SZT2: variants seen among roughly 807,000 people sequenced by gnomAD.
The protein encoded by SZT2 is SZT2 subunit of KICSTOR complex.
SZT2 carries 216 observed loss-of-function variants against 404.2 expected under a neutral mutation model. The ratio of observed to expected loss-of-function variants is 0.53; its 90% CI spans 0.48 to 0.60. SZT2 has a LOEUF of 0.60. SZT2 is among the 20% of genes least tolerant of loss of function. The pLI is 0.00. For missense variants in SZT2, 3,857 were observed against 4,459.2 expected, an observed-to-expected ratio of 0.86 and a Z score of 3.85; for synonymous variants, 1,693 against 1,749.9, an observed-to-expected ratio of 0.97 and a Z score of 0.81.
At chr1:43,438,573 G>A in intron 46 of SZT2, 126 bp from the exon 47 acceptor site, 1 of 874,138 alleles carries the variant, frequency 1.1e-6, no homozygotes, top group Non-Finnish European at 1.8e-6. Context: ...GCTACCTCCA[G>A]AGCCAGCACT....
Position 43,420,885 on chromosome 1 carries a change from C to T in SZT2, c.1398C>T (p.Gly466=). 1 of 1,598,470 alleles carries T rather than the reference C, an allele frequency of 6.3e-7. No homozygotes were observed. The highest frequency in any genetic ancestry group is 1.3e-5 in the African/African-American group (1 of 75,048). The change falls in exon 10 of 72, where the codon GGC becomes GGT. Residue 466 remains glycine, a synonymous_variant. Coordinates refer to ENST00000634258, the MANE Select transcript of SZT2 (RefSeq NM_001365999.1). The surrounding 1 kb of genome is among the most constrained non-coding windows in gnomAD (Gnocchi z 5.1). The stretch of plus-strand genomic sequence containing the variant: ...GGGTGGAAGTGACGATGGAAGGCGG[C>T]TACGACATTTTGCATGATGTGTCCT... ...VTRVEVTMEG[G]YDILHDVSCA...
chr1:43,447,607 C>G lies in SZT2; in HGVS notation c.9349C>G (p.His3117Asp), dbSNP rs1186158602. The part of the protein sequence containing the change: ...AHQLYNYVAD[H>D]ASSYHMKPLR... Reference sequence around the variant, plus strand: ...CCAGCTATACAACTACGTGGCTGATCACGCCAGCTCTTACCACATGAAGCC... The same window carrying G: ...CCAGCTATACAACTACGTGGCTGATGACGCCAGCTCTTACCACATGAAGCC... Residue 3117 changes from histidine (H) to aspartate (D), a missense_variant, in exon 67 of 72, where the codon CAC becomes GAC. Transcript: ENST00000634258. 2 of 1,614,236 alleles carry G rather than the reference C, an allele frequency of 1.2e-6. No homozygotes were observed. Among genetic ancestry groups the G allele is most frequent in the Non-Finnish European group, 1.7e-6 (2 of 1,180,046 alleles).
At chr1:43,443,292 C>T (rs770612411) in intron 60 of SZT2, 25 bp downstream of exon 60, 3 of 1,614,062 alleles carry the variant, frequency 1.9e-6, no homozygotes, top group Admixed American at 1.7e-5. Flanking sequence ...CTTGCATCTT[C>T]CTTGAGTATC....
chr1:43,399,704 G>A (rs971605219), intron 1 of SZT2, among the ~76,000 whole-genome samples: 4 of 151,932 alleles, frequency 2.6e-5, no homozygotes, highest in East Asian at 3.9e-4. Context: ...CTCGTGAACC[G>A]CCTGCCTTGG....
chr1:43,416,757 A>T, intron 7 of SZT2, 116 bp downstream of exon 7: 1 of 781,740 alleles, frequency 1.3e-6, no homozygotes. Flanking sequence ...ACTTAGTTAC[A>T]TGGGGGGAAG....
intron 36 of SZT2, 40 bp from the exon 37 acceptor site, chr1:43,432,232 C>T: frequency 5.9e-6 from 9 of 1,518,918 alleles, no homozygotes; most frequent in Non-Finnish European, 7.9e-6. Flanking sequence ...GTAGGGAGGA[C>T]TGCCCTGCCT....
rs2153932134 is a variant in SZT2 at position 43,420,156 on chromosome 1, C to G, written c.1094C>G (p.Ser365Cys). 6.3e-7 allele frequency: 1 copy of G among 1,598,344 alleles called. No individual in the cohort carries two copies. Among genetic ancestry groups the G allele is most frequent in the Non-Finnish European group, 8.5e-7 (1 of 1,179,756 alleles). The stretch of plus-strand genomic sequence containing the variant: ...CCCATCTCCACTGGTCTTCCAGGCT[C>G]TCAGCACCGCCTATTTAATGAGCAC... ...EALNPEYYCG[S>C]QHRLFNEHLV... Residue 365 changes from serine (S) to cysteine (C), a missense_variant, in exon 9 of 72, where the codon TCT becomes TGT. Physicochemically the swap from Ser to Cys is moderately radical, Grantham distance 112. Coordinates refer to ENST00000634258, the MANE Select transcript of SZT2 (RefSeq NM_001365999.1). The surrounding 1 kb of genome is among the most constrained non-coding windows in gnomAD (Gnocchi z 5.1).
Position 43,442,178 on chromosome 1 carries a change from C to T in SZT2, c.7873+48C>T. 1 of 1,601,260 alleles carries T rather than the reference C, an allele frequency of 6.2e-7. No individual in the cohort carries two copies. Among genetic ancestry groups the T allele is most frequent in the Non-Finnish European group, 8.5e-7 (1 of 1,172,964 alleles). Reference sequence around the variant, plus strand: ...CGGGGGGCGGGTAGGCTAAGAGTAACTGGTGGGGTCTCCAACCTTGCAGAG... The same window carrying T: ...CGGGGGGCGGGTAGGCTAAGAGTAATTGGTGGGGTCTCCAACCTTGCAGAG... On this transcript the variant is annotated intron_variant, in intron 56 of 71. Transcript: ENST00000634258. The surrounding 1 kb of genome is among the most constrained non-coding windows in gnomAD (Gnocchi z 4.5).
chr1:43,419,775 G>A lies in SZT2; in HGVS notation c.921G>A (p.Val307=). The change falls in exon 8 of 72, where the codon GTG becomes GTA. Residue 307 remains valine, a synonymous_variant. Transcript: ENST00000634258. ...VYSYDCSFGH[V]PNVELMKFIA... ...CTTATGACTGCAGTTTTGGCCATGT[G>A]CCCAATGTGGAATTAATGAAGTTCA... is the stretch of plus-strand genomic sequence containing the variant. The A allele has an allele frequency of 9.4e-6, 15 of 1,598,432 alleles. No individual in the cohort carries two copies. Among genetic ancestry groups the A allele is most frequent in the Non-Finnish European group, 1.3e-5 (15 of 1,179,808 alleles).
intron 4 of SZT2, chr1:43,412,832 T>A (rs1380034576): frequency 6.6e-6 from 1 of 152,204 alleles, no homozygotes; most frequent in Non-Finnish European, 1.5e-5. Context: ...AAATGGGATT[T>A]TTTTTATCTT....
At chr1:43,401,564 G>A (rs1019267179) in intron 1 of SZT2, among the ~76,000 whole-genome samples, 3 of 151,506 alleles carry the variant, frequency 2.0e-5, no homozygotes, top group African/African-American at 7.3e-5. Context: ...TCGGCTCACT[G>A]CAACCTCCGC....
chr1:43,402,163 C>G (rs1162358632), intron 1 of SZT2, among the ~76,000 whole-genome samples: 1 of 152,176 alleles, frequency 6.6e-6, no homozygotes, highest in East Asian at 1.9e-4. Flanking sequence ...TTCTTGCCAC[C>G]TGGTGTTCTT....
intron 4 of SZT2, chr1:43,405,951 A>G (rs1650254523): frequency 1.3e-5 from 2 of 152,480 alleles, no homozygotes; most frequent in African/African-American, 4.8e-5. Flanking sequence ...TGGGGGAGAT[A>G]AATATTAAAG....
chr1:43,435,388 G>A (rs893355349), intron 42 of SZT2, 59 bp downstream of exon 42: 15 of 1,590,004 alleles, frequency 9.4e-6, no homozygotes, highest in Middle Eastern at 3.5e-4. Context: ...TTCTTTTACC[G>A]AATACTCTGG....
At position 43,438,695 on chromosome 1, in the gene SZT2, C is replaced by T. The variant is rs965140723; in HGVS notation, c.6509-4C>T. On this transcript the variant is annotated splice_region_variant and splice_polypyrimidine_tract_variant and intron_variant, in intron 46 of 71. Coordinates refer to ENST00000634258, the MANE Select transcript of SZT2 (RefSeq NM_001365999.1). The stretch of plus-strand genomic sequence containing the variant: ...CCCCACCTTCCCACCATGGCTGTGT[C>T]AAGGTCCTGAGATCACGGATGAGCT... The T allele has an allele frequency of 1.9e-6, 3 of 1,613,592 alleles. No homozygotes were observed. The African/African-American group carries it at 4.0e-5, about 22-fold the overall frequency.
Position 43,419,907 on chromosome 1 carries a change from G to A in SZT2, c.1053G>A (p.Leu351=), listed in dbSNP as rs1273335092. The change falls in exon 8 of 72, where the codon CTG becomes CTA. Residue 351 remains leucine (L), a synonymous_variant. Transcript: ENST00000634258. The part of the protein sequence containing the change: ...YHRAFLLYSF[L]RSGEALNPEY... ...GGGCATTTCTCCTCTATTCCTTCCT[G>A]CGCAGTGGGGAAGCACTGAACCCTG... The A allele has an allele frequency of 1.3e-6, 2 of 1,598,342 alleles. No homozygotes were observed. Among genetic ancestry groups the A allele is most frequent in the Non-Finnish European group, 1.7e-6 (2 of 1,179,736 alleles).
rs1257683910 is a variant in SZT2, at chr1:43,430,504, T to C, written c.4489T>C (p.Ser1497Pro). 5 of 1,613,916 alleles carry C rather than the reference T, an allele frequency of 3.1e-6. No individual in the cohort carries two copies. In the South Asian group the frequency reaches 5.5e-5, roughly 18 times the overall value. ...GTGACATGCACTACTAGGAGACACA[T>C]CTGCCTGCTGTGTGGTCACTGAGAG... The part of the protein sequence containing the change: ...AELMGEEGDT[S>P]ACCVVTESDP... The change falls in exon 32 of 72, where the codon TCT (serine) becomes CCT (proline). Residue 1497 changes from serine (S) to proline (P), a missense_variant. Physicochemically the swap from Ser to Pro is moderately conservative, Grantham distance 74 (BLOSUM62 -1). Coordinates refer to ENST00000634258, the MANE Select transcript of SZT2 (RefSeq NM_001365999.1).
chr1:43,421,354 A>G (rs1252505723), intron 11 of SZT2, 51 bp downstream of exon 11: 27 of 1,585,710 alleles, frequency 1.7e-5, no homozygotes, highest in Non-Finnish European at 4.3e-6. Context: ...CTTGGGTTGC[A>G]CAGCATCTGG....
Position 43,429,750 on chromosome 1 carries a change from T to C in SZT2, c.4214T>C (p.Val1405Ala). 1 of 1,614,174 alleles carries C rather than the reference T, an allele frequency of 6.2e-7. No individual in the cohort carries two copies. Among genetic ancestry groups the C allele is most frequent in the Non-Finnish European group, 8.5e-7 (1 of 1,180,038 alleles). Residue 1405 changes from valine to alanine, a missense_variant, in exon 29 of 72, where the codon GTC (valine) becomes GCC (alanine). By Grantham distance (64) the Val-to-Ala change is moderately conservative (BLOSUM62 0). Around this residue, in one of 7 missense-constraint regions of SZT2, gnomAD observed 1,725 missense variants for 1,881.0 expected, o/e 0.92. Transcript: ENST00000634258. ...LSEPEFQSTR[V>A]PGIPDPGPEI... ...GAGCCTGAGTTTCAGAGCACCCGTG[T>C]CCCTGGCATTCCAGACCCTGGGCCA...
Sources: allele counts gnomAD v4.1 joint callset (sites outside exome capture counted in the v4.1 genomes callset), GRCh38; gene constraint gnomAD v4.1.1; regional missense constraint gnomAD v4.1.1; non-coding constraint Gnocchi (gnomAD v3.1); transcripts MANE v1.5; gene names NCBI Gene and HGNC (gene_info 2026-07-23, HGNC 2026-07-21).